Variants in ITPR2 observed in about 807,000 individuals in gnomAD.
ITPR2 encodes the protein inositol 1,4,5-trisphosphate-gated calcium channel ITPR2.
ITPR2 carries 207 observed loss-of-function variants against 317.1 expected under a neutral mutation model. That is an observed-to-expected ratio of 0.65 (90% CI 0.58 to 0.73). The LOEUF is 0.73. Among genes scored for constraint, ITPR2 ranks in the 30% least tolerant of loss-of-function variants. The pLI, the probability that ITPR2 is intolerant of heterozygous loss-of-function variation, is 0.00. For missense variants in ITPR2, 2,613 were observed against 3,284.0 expected (o/e 0.80, Z 4.99); for synonymous variants, 1,156 against 1,149.1 (o/e 1.01, Z -0.12).
chr12:26,654,135 A>T lies in ITPR2; in HGVS notation c.2590-9T>A. On this transcript the variant is annotated splice_polypyrimidine_tract_variant and intron_variant, in intron 20 of 56. Coordinates refer to ENST00000381340, the MANE Select transcript of ITPR2 (RefSeq NM_002223.4). ...CGAGCCAAGTGGACCACCTTAATAA[A>T]AAAAAAAAAGCGGGGAGGGGGAGGG... 1.9e-6 allele frequency: 3 copies of T among 1,539,734 alleles called. No homozygotes were observed. Among genetic ancestry groups the T allele is most frequent in the African/African-American group, 1.4e-5 (1 of 70,072 alleles).
intron 26 of ITPR2, among the ~76,000 whole-genome samples, chr12:26,618,269 A>C (rs1946414737): frequency 6.6e-6 from 1 of 152,182 alleles, no homozygotes; most frequent in Non-Finnish European, 1.5e-5. Context: ...AAAAAAAGAA[A>C]TAAAATATCA....
chr12:26,608,552 G>C (rs866732206), intron 26 of ITPR2, among the ~76,000 whole-genome samples: 12 of 151,152 alleles, frequency 7.9e-5, no homozygotes, highest in South Asian at 2.1e-4. Context: ...AGAGAGGAGC[G>C]CCTCTGCCTG....
At chr12:26,772,491 C>CATGTATGATATATATAATAT (rs3064583) in intron 2 of ITPR2, among the ~76,000 whole-genome samples, 1 of 100,506 alleles carries the variant, frequency 9.9e-6, no homozygotes, top group Non-Finnish European at 2.1e-5. Flanking sequence ...ATATATAATA[C>CATGTATGATATATATAATAT]ATATAATACA....
At chr12:26,340,468 C>A in intron 55 of ITPR2, 140 bp from the exon 56 acceptor site, 3 of 854,810 alleles carry the variant, frequency 3.5e-6, no homozygotes, top group Non-Finnish European at 5.0e-6. Context: ...TAGGGAGGGG[C>A]TGAAGTAGGG....
intron 35 of ITPR2, among the ~76,000 whole-genome samples, chr12:26,557,979 T>C (rs995325467): frequency 5.9e-5 from 9 of 152,192 alleles, no homozygotes; most frequent in Admixed American, 3.3e-4. Flanking sequence ...GAAGCACAGA[T>C]GGGGATGTCA....
At chr12:26,690,788 C>G (rs1416065668) in intron 10 of ITPR2, among the ~76,000 whole-genome samples, 1 of 152,104 alleles carries the variant, frequency 6.6e-6, no homozygotes, top group Non-Finnish European at 1.5e-5. Flanking sequence ...CTTCCAAACA[C>G]AGAAAAAACT....
chr12:26,760,289 A>G (rs1352392214), intron 2 of ITPR2, among the ~76,000 whole-genome samples: 3 of 152,232 alleles, frequency 2.0e-5, no homozygotes, highest in Non-Finnish European at 4.4e-5. Context: ...GATTTCTTAC[A>G]GAGAATGGGA....
Position 26,666,111 on chromosome 12 carries a change from A to G in ITPR2, c.1410-60T>C, listed in dbSNP as rs77510901. 3.3e-3 allele frequency: 3,912 copies of G among 1,168,540 alleles called. 98 individuals are homozygous for G. The African/African-American group carries it at 0.062, about 18-fold the overall frequency. The allele number at this position is 1,168,540 out of a possible 1,614,324, so 72.4% of individuals were successfully genotyped here. A position where few individuals can be genotyped will look rare whatever the true frequency, so the allele number is the denominator to read the frequency against. ...GTGTGCTTAATTTTGGAAAATGTATAGATAGATGATAGGTAGGTAGGTAGA... is the reference window on the plus strand; with the variant it reads ...GTGTGCTTAATTTTGGAAAATGTATGGATAGATGATAGGTAGGTAGGTAGA... On this transcript the variant is annotated intron_variant, in intron 13 of 56. Coordinates refer to ENST00000381340, the MANE Select transcript of ITPR2 (RefSeq NM_002223.4).
intron 2 of ITPR2, among the ~76,000 whole-genome samples, chr12:26,730,077 A>G (rs1430265638): frequency 6.6e-6 from 1 of 152,212 alleles, no homozygotes; most frequent in Non-Finnish European, 1.5e-5. Flanking sequence ...AAGACACACC[A>G]AGAGTGCCCA....
intron 11 of ITPR2, among the ~76,000 whole-genome samples, chr12:26,684,205 A>G (rs1948085673): frequency 6.6e-6 from 1 of 152,248 alleles, no homozygotes. Context: ...AGTTGTCATC[A>G]GGTCCCCTGG....
rs768220717 is a variant in ITPR2, at chr12:26,631,922, C to CG, written c.2877dup (p.Glu960ArgfsTer16). ...TCCATCACAGTCACATCCTCGTGCTCGGTGGGGCTCCCTTGCTTGCTCGGG... is the reference window on the plus strand; with the variant it reads ...TCCATCACAGTCACATCCTCGTGCTCGGGTGGGGCTCCCTTGCTTGCTCGGG... On this transcript the variant is annotated frameshift_variant, in exon 22 of 57. Coordinates refer to ENST00000381340, the MANE Select transcript of ITPR2 (RefSeq NM_002223.4). LOFTEE classifies it high-confidence loss of function. 62 of 1,613,850 alleles carry CG rather than the reference C, an allele frequency of 3.8e-5. No homozygotes were observed. Among genetic ancestry groups the CG allele is most frequent in the Non-Finnish European group, 5.1e-5 (60 of 1,179,968 alleles).
chr12:26,497,831 C>T (rs1942978243), intron 37 of ITPR2, among the ~76,000 whole-genome samples: 1 of 152,070 alleles, frequency 6.6e-6, no homozygotes, highest in African/African-American at 2.4e-5. Context: ...CTGCCTCAGC[C>T]TCCCGAGTAG....
At chr12:26,481,772 A>T (rs1397970159) in intron 42 of ITPR2, among the ~76,000 whole-genome samples, 1 of 152,222 alleles carries the variant, frequency 6.6e-6, no homozygotes, top group Non-Finnish European at 1.5e-5. Context: ...AGTGAAGACA[A>T]GTAATATGAG....
intron 45 of ITPR2, among the ~76,000 whole-genome samples, chr12:26,463,944 T>G (rs1265363229): frequency 1.3e-5 from 2 of 152,166 alleles, no homozygotes; most frequent in Non-Finnish European, 2.9e-5. Flanking sequence ...CCCATCTCTG[T>G]GCATATTTTC....
At chr12:26,408,043 G>A (rs180955438) in intron 52 of ITPR2, among the ~76,000 whole-genome samples, 1 of 152,064 alleles carries the variant, frequency 6.6e-6, no homozygotes, top group Admixed American at 6.6e-5. Flanking sequence ...CTCTTAGAAA[G>A]GTCTCTCTGT....
chr12:26,449,018 A>T (rs1038705354), intron 45 of ITPR2, among the ~76,000 whole-genome samples: 8 of 152,150 alleles, frequency 5.3e-5, no homozygotes, highest in African/African-American at 1.9e-4. Context: ...TTATCTTCTT[A>T]TCACTAGGAT....
At chr12:26,360,451 T>C (rs555157869) in intron 55 of ITPR2, among the ~76,000 whole-genome samples, 208 of 152,324 alleles carry the variant, frequency 1.4e-3, no homozygotes, top group African/African-American at 4.8e-3. Flanking sequence ...CCAGGAAGCC[T>C]TGCCCTGAGA....
At chr12:26,775,933 C>CATATACATATATAT (rs1949954013) in intron 2 of ITPR2, among the ~76,000 whole-genome samples, 1 of 85,390 alleles carries the variant, frequency 1.2e-5, no homozygotes, top group Non-Finnish European at 3.3e-5. Context: ...CTCCCCTTTA[C>CATATACATATATAT]ATATATATAT....
chr12:26,782,034 G>T (rs4963669), intron 2 of ITPR2, among the ~76,000 whole-genome samples: 2 of 45,424 alleles, frequency 4.4e-5, no homozygotes, highest in African/African-American at 8.5e-5. Context: ...ATATATATAT[G>T]TATAGAGAGA....
Sources: gnomAD v4.1 joint callset for allele counts (sites outside exome capture counted in the v4.1 genomes callset) on GRCh38, gnomAD v4.1.1 for gene constraint, MANE v1.5 for transcripts, NCBI Gene and HGNC (gene_info 2026-07-23, HGNC 2026-07-21) for gene names.